The following FARSB variants were observed in gnomAD, a reference collection of about 807,000 sequenced individuals.
FARSB encodes phenylalanyl-tRNA synthetase subunit beta.
FARSB carries 40 observed loss-of-function variants against 69.6 expected under a neutral mutation model. The ratio of observed to expected loss-of-function variants is 0.57; its 90% CI spans 0.45 to 0.75. FARSB has a LOEUF of 0.75. Ranked by LOEUF, FARSB falls within the 30% of genes least tolerant of loss-of-function variation. The pLI, the probability that FARSB is intolerant of heterozygous loss-of-function variation, is 0.00. For synonymous variants in FARSB, 235 were observed against 247.2 expected (o/e 0.95, Z 0.46); for missense variants, 632 against 722.9 (o/e 0.87, Z 1.44).
chr2:222,608,654 A>G (rs1559200818), intron 15 of FARSB, among the ~76,000 whole-genome samples: 1 of 152,264 alleles, frequency 6.6e-6, no homozygotes, highest in African/African-American at 2.4e-5. Context: ...GGTAAGAAGA[A>G]GTAGATCATT....
intron 16 of FARSB, among the ~76,000 whole-genome samples, chr2:222,589,254 A>C (rs1559192620): frequency 6.6e-6 from 1 of 152,166 alleles, no homozygotes; most frequent in Non-Finnish European, 1.5e-5. Context: ...CAAAAACAAA[A>C]AATGGGGAAA....
chr2:222,644,631 C>T (rs1011385653), intron 2 of FARSB: 2 of 414,590 alleles, frequency 4.8e-6, no homozygotes, highest in Non-Finnish European at 9.8e-6. Flanking sequence ...TTTTCAGCAG[C>T]ACCCCCTTAT....
At chr2:222,648,716 A>G (rs758525688) in intron 2 of FARSB, 24 bp downstream of exon 2, 1 of 1,449,936 alleles carries the variant, frequency 6.9e-7, no homozygotes, top group African/African-American at 1.4e-5. Flanking sequence ...ATCTTTGAAA[A>G]ATAGACAAAT....
At chr2:222,625,529 C>T (rs781508135) in intron 10 of FARSB, among the ~76,000 whole-genome samples, 3 of 152,130 alleles carry the variant, frequency 2.0e-5, no homozygotes, top group East Asian at 3.8e-4. Context: ...CCTGAGTGCT[C>T]GTGAGAAAGG....
chr2:222,620,189 C>G (rs1334194852), intron 13 of FARSB, among the ~76,000 whole-genome samples: 1 of 152,186 alleles, frequency 6.6e-6, no homozygotes, highest in Admixed American at 6.5e-5. Context: ...TCACCTGCTA[C>G]CATTCCCTAA....
At position 222,599,979 on chromosome 2, in the gene FARSB, C is replaced by T. The variant is rs777551426; in HGVS notation, c.1567G>A (p.Asp523Asn). 1.1e-5 allele frequency: 18 copies of T among 1,610,384 alleles called. No individual in the cohort carries two copies. Among genetic ancestry groups the T allele is most frequent in the Admixed American group, 8.5e-5 (5 of 58,746 alleles). Reference sequence around the variant, plus strand: ...CCCTTGTCTTCACCAGGAGGCACATCGAGCAACTGCATAATTCTGTCCAGC... The same window carrying T: ...CCCTTGTCTTCACCAGGAGGCACATTGAGCAACTGCATAATTCTGTCCAGC... ...GLLDRIMQLL[D>N]VPPGEDKGGY... The change falls in exon 16 of 17, where the codon GAT becomes AAT. Residue 523 changes from aspartate (D) to asparagine (N), a missense_variant. By Grantham distance (23) the Asp-to-Asn change is conservative. Coordinates refer to ENST00000281828, the MANE Select transcript of FARSB (RefSeq NM_005687.5).
intron 15 of FARSB, among the ~76,000 whole-genome samples, chr2:222,600,883 T>C (rs565726783): frequency 1.3e-5 from 2 of 152,332 alleles, no homozygotes; most frequent in East Asian, 3.9e-4. Context: ...GTGTGTACTT[T>C]GTAATATTTT....
chr2:222,642,798 GAAAGA>G, intron 3 of FARSB, 48 bp downstream of exon 3: 1 of 1,366,000 alleles, frequency 7.3e-7, no homozygotes, highest in Non-Finnish European at 1.0e-6. Context: ...TAATGACAAG[GAAAGA>G]AAAGAAAACC....
intron 1 of FARSB, among the ~76,000 whole-genome samples, chr2:222,649,357 G>T (rs993645001): frequency 6.6e-6 from 1 of 152,098 alleles, no homozygotes; most frequent in African/African-American, 2.4e-5. Flanking sequence ...ACCTGCACTG[G>T]GAAGTTTGCA....
chr2:222,630,832 C>T (rs1443509255), intron 8 of FARSB, among the ~76,000 whole-genome samples: 2 of 152,144 alleles, frequency 1.3e-5, no homozygotes, highest in East Asian at 1.9e-4. Flanking sequence ...ATATTAAAAG[C>T]TGTACTACCC....
chr2:222,649,482 G>A (rs1411717239), intron 1 of FARSB, among the ~76,000 whole-genome samples: 2 of 152,164 alleles, frequency 1.3e-5, no homozygotes, highest in Non-Finnish European at 2.9e-5. Context: ...CAGGTAAAAT[G>A]GTCTGAGGTG....
chr2:222,576,127 T>C (rs1221046520), intron 16 of FARSB, among the ~76,000 whole-genome samples: 1 of 152,014 alleles, frequency 6.6e-6, no homozygotes, highest in East Asian at 1.9e-4. Flanking sequence ...CATCAGAAGG[T>C]GTTATCAAGC....
intron 16 of FARSB, among the ~76,000 whole-genome samples, chr2:222,577,190 C>G (rs1048842466): frequency 6.6e-6 from 1 of 152,178 alleles, no homozygotes; most frequent in Non-Finnish European, 1.5e-5. Flanking sequence ...GAGAAAATGT[C>G]TCTGCAAAGA....
At chr2:222,604,991 C>T (rs1574926971) in intron 15 of FARSB, among the ~76,000 whole-genome samples, 3 of 152,148 alleles carry the variant, frequency 2.0e-5, no homozygotes, top group South Asian at 4.1e-4. Context: ...CTGAGATAAG[C>T]GAGGAGCATA....
At position 222,642,976 on chromosome 2, in the gene FARSB, T is replaced by C; in HGVS notation, c.144A>G (p.Glu48=). 6.2e-7 allele frequency: 1 copy of C among 1,605,018 alleles called. No homozygotes were observed. The highest frequency in any genetic ancestry group is 1.1e-5 in the South Asian group (1 of 89,800). ...ITSEKEIISK[E]QGNVKAAGAS... ...CTCCTGCTGCCTTTACATTACCTTG[T>C]TCTTTACTTATTATTTCCTTCTCAG... Residue 48 remains glutamate, a synonymous_variant, in exon 3 of 17, where the codon GAA becomes GAG. Transcript: ENST00000281828.
At chr2:222,623,513 G>A in intron 13 of FARSB, 137 bp downstream of exon 13, 1 of 695,028 alleles carries the variant, frequency 1.4e-6, no homozygotes, top group Non-Finnish European at 2.6e-6. Context: ...ATAATCTCAA[G>A]TAACAAAGTT....
chr2:222,590,176 T>C (rs1690226826), intron 16 of FARSB, among the ~76,000 whole-genome samples: 1 of 152,152 alleles, frequency 6.6e-6, no homozygotes, highest in Non-Finnish European at 1.5e-5. Flanking sequence ...CACGGAATAC[T>C]ATGCAGCCAT....
At chr2:222,583,345 A>G (rs772858659) in intron 16 of FARSB, among the ~76,000 whole-genome samples, 2 of 152,226 alleles carry the variant, frequency 1.3e-5, no homozygotes, top group Non-Finnish European at 2.9e-5. Context: ...AGTACAGATG[A>G]CTGGTAGCTA....
intron 15 of FARSB, among the ~76,000 whole-genome samples, chr2:222,608,374 T>G (rs983530665): frequency 1.3e-5 from 2 of 152,334 alleles, no homozygotes; most frequent in African/African-American, 4.8e-5. Flanking sequence ...TATTGAGTTA[T>G]TTTTAAGCAT....
Sources: gnomAD v4.1 joint callset for allele counts (sites outside exome capture counted in the v4.1 genomes callset) on GRCh38, gnomAD v4.1.1 for gene constraint, MANE v1.5 for transcripts, NCBI Gene and HGNC (gene_info 2026-07-23, HGNC 2026-07-21) for gene names.